EDIL3: variants seen among roughly 807,000 people sequenced by gnomAD.
EDIL3 encodes EGF like and discoidin domains 3, also known as EGF-like repeat and discoidin I-like domain-containing protein 3.
A neutral mutation model predicts 67.4 loss-of-function variants in EDIL3; 37 were observed. The observed-to-expected ratio is 0.55, with a 90% CI of 0.42 to 0.72. The LOEUF (loss-of-function observed/expected upper bound fraction) is 0.72, where lower values mean the gene tolerates loss of function less well. EDIL3 is among the 30% of genes least tolerant of loss of function. The probability of loss-of-function intolerance (pLI) is 0.00; values close to 1 mark genes in which losing one functional copy is unlikely to be tolerated. For synonymous variants in EDIL3, 195 were observed against 196.3 expected (o/e 0.99, Z 0.05); for missense variants, 527 against 586.3 (o/e 0.90, Z 1.04).
chr5:84,196,948 C>T (rs1377075023), intron 3 of EDIL3: 1 of 151,962 alleles, frequency 6.6e-6, no homozygotes, highest in Non-Finnish European at 1.5e-5. Context: ...ATGGTTCCTA[C>T]ACAAGGAAGT....
At chr5:84,201,582 G>T (rs568985330) in intron 3 of EDIL3, among the ~76,000 whole-genome samples, 1,583 of 152,088 alleles carry the variant, frequency 0.01, 33 homozygotes, top group African/African-American at 0.036. Context: ...GTCTTACCCA[G>T]TATTAGTAAA....
intron 5 of EDIL3, among the ~76,000 whole-genome samples, chr5:84,114,918 T>C (rs1004901032): frequency 1.3e-5 from 2 of 152,352 alleles, no homozygotes; most frequent in African/African-American, 2.4e-5. Context: ...GCATTTTTTT[T>C]CCCTCTGAGA....
At chr5:83,953,027 G>A (rs992826694) in intron 10 of EDIL3, among the ~76,000 whole-genome samples, 1 of 151,828 alleles carries the variant, frequency 6.6e-6, no homozygotes, top group East Asian at 2.0e-4. Flanking sequence ...AAGTGGAATC[G>A]TACAGCTGAA....
chr5:84,102,256 T>C (rs982849595), intron 6 of EDIL3, among the ~76,000 whole-genome samples: 18 of 151,924 alleles, frequency 1.2e-4, no homozygotes, highest in Non-Finnish European at 1.9e-4. Flanking sequence ...AAAACAGAAA[T>C]GAGACAAGGA....
chr5:83,983,207 G>A lies in EDIL3; in HGVS notation c.1138-19847C>T, dbSNP rs765623647. Among the ~76,000 whole-genome samples, 29 of 152,196 alleles carry A rather than the reference G, an allele frequency of 1.9e-4. 1 individual carries two copies. The highest frequency in any genetic ancestry group is 3.4e-3 in the Middle Eastern group (1 of 294). On this transcript the variant is annotated intron_variant, in intron 9 of 10. Coordinates refer to ENST00000296591, the MANE Select transcript of EDIL3 (RefSeq NM_005711.5). ...TCCACTATAGTACGTATCGCATTGG[G>A]TTTGCAGTAATCTGTTTACAAATGC...
At chr5:84,378,993 G>C (rs1393209448) in intron 1 of EDIL3, among the ~76,000 whole-genome samples, 3 of 152,038 alleles carry the variant, frequency 2.0e-5, no homozygotes, top group Non-Finnish European at 4.4e-5. Flanking sequence ...TAGATGTTGT[G>C]TCCTATTTGC....
intron 1 of EDIL3, among the ~76,000 whole-genome samples, chr5:84,270,121 T>G (rs777684781): frequency 5.9e-5 from 9 of 152,246 alleles, no homozygotes; most frequent in Non-Finnish European, 1.3e-4. Flanking sequence ...TGTGTTTATC[T>G]TTATTTTGTA....
At chr5:84,292,670 C>T (rs964903845) in intron 1 of EDIL3, among the ~76,000 whole-genome samples, 8 of 151,996 alleles carry the variant, frequency 5.3e-5, no homozygotes, top group African/African-American at 1.9e-4. Flanking sequence ...GGTTCTCATG[C>T]TATATACTTT....
intron 6 of EDIL3, among the ~76,000 whole-genome samples, chr5:84,105,553 T>C (rs1747445308): frequency 1.3e-5 from 2 of 152,038 alleles, no homozygotes; most frequent in Admixed American, 1.3e-4. Context: ...GGGATTTCCA[T>C]GTTTCTTTGA....
At chr5:84,225,255 A>G (rs1446484415) in intron 3 of EDIL3, among the ~76,000 whole-genome samples, 1 of 151,690 alleles carries the variant, frequency 6.6e-6, no homozygotes, top group Non-Finnish European at 1.5e-5. Flanking sequence ...TGCAGATAAG[A>G]TGTATCATGC....
chr5:84,275,299 G>A (rs757869919), intron 1 of EDIL3, among the ~76,000 whole-genome samples: 1 of 152,164 alleles, frequency 6.6e-6, no homozygotes, highest in Non-Finnish European at 1.5e-5. Context: ...CCACAAATAT[G>A]AGAGTGTCAC....
At chr5:84,021,075 T>C (rs1466028514) in intron 9 of EDIL3, among the ~76,000 whole-genome samples, 1 of 152,058 alleles carries the variant, frequency 6.6e-6, no homozygotes, top group African/African-American at 2.4e-5. Context: ...ACAGTTGTAA[T>C]GTCTCCTTTT....
At position 84,064,828 on chromosome 5, in the gene EDIL3, A is replaced by G. The variant is rs765906432; in HGVS notation, c.824T>C (p.Ile275Thr). 5.0e-6 allele frequency: 8 copies of G among 1,610,714 alleles called. No individual in the cohort carries two copies. The East Asian group carries it at 1.8e-4, about 36-fold the overall frequency. The change falls in exon 8 of 11, where the codon ATT becomes ACT. Residue 275 changes from isoleucine to threonine, a missense_variant. Ile to Thr is a moderately conservative substitution (Grantham distance 89, BLOSUM62 -1). Around this residue, in one of 2 missense-constraint regions of EDIL3, gnomAD observed 494 missense variants for 522.5 expected, o/e 0.95. Transcript: ENST00000296591. ...TNEDMVFRGNIDNNTPYANSF... is the reference protein window; with the variant it reads ...TNEDMVFRGNTDNNTPYANSF... ...GTTAGCATATGGAGTGTTGTTATCAATGTTTCCACGAAACACCTGTGTAAA... is the reference window on the plus strand; with the variant it reads ...GTTAGCATATGGAGTGTTGTTATCAGTGTTTCCACGAAACACCTGTGTAAA...
chr5:84,033,904 G>C (rs1745972595), intron 9 of EDIL3, among the ~76,000 whole-genome samples: 1 of 151,974 alleles, frequency 6.6e-6, no homozygotes. Context: ...ATGACAGTTA[G>C]ACAACAAAGA....
intron 9 of EDIL3, among the ~76,000 whole-genome samples, chr5:83,998,974 G>A (rs543673845): frequency 2.0e-5 from 3 of 152,266 alleles, no homozygotes; most frequent in South Asian, 4.2e-4. Context: ...TAAGGGAAGA[G>A]AATAAGAGAT....
At chr5:84,303,849 TTTG>T (rs1746212662) in intron 1 of EDIL3, among the ~76,000 whole-genome samples, 9 of 138,968 alleles carry the variant, frequency 6.5e-5, no homozygotes, top group East Asian at 4.1e-4. Context: ...TGTGTGTGTG[TTTG>T]TGTGTGTGTG....
chr5:84,325,143 A>T (rs187542571), intron 1 of EDIL3, among the ~76,000 whole-genome samples: 1 of 151,922 alleles, frequency 6.6e-6, no homozygotes, highest in East Asian at 1.9e-4. Context: ...GAACTACATG[A>T]TTTTTTTTAA....
At chr5:84,092,765 A>G (rs1747189371) in intron 6 of EDIL3, among the ~76,000 whole-genome samples, 2 of 150,326 alleles carry the variant, frequency 1.3e-5, no homozygotes, top group Non-Finnish European at 3.0e-5. Flanking sequence ...AAGAAGCTAA[A>G]TCAAACATTT....
intron 1 of EDIL3, among the ~76,000 whole-genome samples, chr5:84,362,327 G>A (rs1307223757): frequency 6.6e-6 from 1 of 152,004 alleles, no homozygotes. Context: ...ATTACACCAT[G>A]TGAATAAGGC....
Sources: gnomAD v4.1 joint callset for allele counts (sites outside exome capture counted in the v4.1 genomes callset) on GRCh38, gnomAD v4.1.1 for gene constraint, gnomAD v4.1.1 regional missense constraint, MANE v1.5 for transcripts, NCBI Gene and HGNC (gene_info 2026-07-23, HGNC 2026-07-21) for gene names.